ADAM33: variants seen among roughly 807,000 people sequenced by gnomAD.
ADAM33 encodes the protein ADAM metallopeptidase domain 33.
In ADAM33, 103 loss-of-function variants were observed where a neutral mutation model predicts 106.2. The observed-to-expected ratio is 0.97, with a 90% CI of 0.83 to 1.14. The LOEUF (loss-of-function observed/expected upper bound fraction) is 1.14. ADAM33 is among the 50% of genes most tolerant of loss of function. ADAM33 has a pLI of 0.00. For synonymous variants in ADAM33, 483 were observed against 453.0 expected (o/e 1.07, Z -0.84); for missense variants, 1,120 against 1,096.6 (o/e 1.02, Z -0.30).
intron 19 of ADAM33, chr20:3,670,655 C>T (rs2087472899): frequency 2.0e-5 from 5 of 251,074 alleles, no homozygotes; most frequent in Middle Eastern, 1.3e-3. Context: ...GACAGGCCTC[C>T]GGGGGCAGCA....
At chr20:3,669,427 G>A in intron 20 of ADAM33, 57 bp from the exon 21 acceptor site, 1 of 1,562,682 alleles carries the variant, frequency 6.4e-7, no homozygotes, top group South Asian at 1.2e-5. Context: ...AGCCCCTGGG[G>A]CTGGGGAGGG....
At chr20:3,680,471 T>C (rs1568825450) in intron 1 of ADAM33, among the ~76,000 whole-genome samples, 1 of 152,162 alleles carries the variant, frequency 6.6e-6, no homozygotes, top group South Asian at 2.1e-4. Flanking sequence ...CAACTCCTTT[T>C]TTCTCCTCCA....
intron 21 of ADAM33, 74 bp downstream of exon 21, chr20:3,669,225 G>T: frequency 8.7e-7 from 1 of 1,151,802 alleles, no homozygotes; most frequent in Non-Finnish European, 1.2e-6. Flanking sequence ...TTAGGGGGCA[G>T]CAAACTGAGG....
At chr20:3,680,040 A>C (rs1021121516) in intron 1 of ADAM33, among the ~76,000 whole-genome samples, 2 of 152,122 alleles carry the variant, frequency 1.3e-5, no homozygotes, top group South Asian at 4.1e-4. Flanking sequence ...TGCGAGGTCC[A>C]CCTTGCCCAG....
chr20:3,672,080 C>G, intron 14 of ADAM33, 54 bp downstream of exon 14: 1 of 1,587,846 alleles, frequency 6.3e-7, no homozygotes. Context: ...CAGTAGAAAA[C>G]TGGCCCCACC....
rs776714215 is a variant in ADAM33, at chr20:3,669,334, T to G, written c.2369A>C (p.Glu790Ala). ...AGGCGAGACTGCTGGCAGAGGCTTC[T>G]CAGGGTGGCTGCTGGGCTCATGAGA... ...ENSHEPSSHP[E>A]KPLPAVSPDP... is the part of the protein sequence containing the mutation. The change falls in exon 21 of 22, where the codon GAG becomes GCG. Residue 790 changes from glutamate (E) to alanine (A), a missense_variant. Glu to Ala is a moderately radical substitution (Grantham distance 107). Coordinates refer to ENST00000356518, the MANE Select transcript of ADAM33 (RefSeq NM_025220.5). 20 of 1,601,030 alleles carry G rather than the reference T, an allele frequency of 1.2e-5. No homozygotes were observed. The East Asian group carries it at 4.0e-4, about 32-fold the overall frequency.
At position 3,681,895 on chromosome 20, in the gene ADAM33, C is replaced by G. The variant is rs1237195853; in HGVS notation, c.97+13G>C. 1.9e-6 allele frequency: 3 copies of G among 1,595,082 alleles called. No homozygotes were observed. On this transcript the variant is annotated intron_variant, in intron 1 of 21. Coordinates refer to ENST00000356518, the MANE Select transcript of ADAM33 (RefSeq NM_025220.5). ...AGCCTGCCCCTCAGGGCGCACCCCG[C>G]CCGCGTCCTCACCTTGAAGCACCCC...
intron 13 of ADAM33, 41 bp downstream of exon 13, chr20:3,672,496 A>G (rs1433940919): frequency 6.3e-7 from 1 of 1,599,188 alleles, no homozygotes; most frequent in Non-Finnish European, 8.5e-7. Context: ...CCGGCTCCCA[A>G]GCTCCCCGAA....
Position 3,673,829 on chromosome 20 carries a change from T to C in ADAM33, c.821A>G (p.Asp274Gly). Residue 274 changes from aspartate (D) to glycine (G), a missense_variant, in exon 9 of 22, where the codon GAC becomes GGC. Coordinates refer to ENST00000356518, the MANE Select transcript of ADAM33 (RefSeq NM_025220.5). ...GAAGGCCCAGAGCGTGGCGTTGGCGTCCTGCGTGACGCGGCTGCGGTCCCG... is the reference window on the plus strand; with the variant it reads ...GAAGGCCCAGAGCGTGGCGTTGGCGCCCTGCGTGACGCGGCTGCGGTCCCG... ...TERDRSRVTQ[D>G]ANATLWAFLQ... 1 of 1,559,118 alleles carries C rather than the reference T, an allele frequency of 6.4e-7. No individual in the cohort carries two copies.
At chr20:3,669,732 C>A (rs41423545) in intron 19 of ADAM33, 95 bp from the exon 20 acceptor site, 1 of 1,173,038 alleles carries the variant, frequency 8.5e-7, no homozygotes, top group East Asian at 2.5e-5. Context: ...GGGAGTTCTG[C>A]GTTTACTGAG....
At position 3,674,203 on chromosome 20, in the gene ADAM33, T is replaced by A. The variant is rs1331257169; in HGVS notation, c.666+16A>T. 1.9e-6 allele frequency: 3 copies of A among 1,613,896 alleles called. No individual in the cohort carries two copies. The highest frequency in any genetic ancestry group is 1.7e-5 in the Admixed American group (1 of 60,000). Reference sequence around the variant, plus strand: ...CCCCATCCCTGACCCCGCCAACCCCTGGGGTCTCTCCTCACCAGGGTGTGG... The same window carrying A: ...CCCCATCCCTGACCCCGCCAACCCCAGGGGTCTCTCCTCACCAGGGTGTGG... On this transcript the variant is annotated intron_variant, in intron 7 of 21. Coordinates refer to ENST00000356518, the MANE Select transcript of ADAM33 (RefSeq NM_025220.5).
intron 1 of ADAM33, among the ~76,000 whole-genome samples, chr20:3,680,216 C>T (rs1378787955): frequency 2.0e-5 from 3 of 151,264 alleles, no homozygotes; most frequent in African/African-American, 7.3e-5. Context: ...CCAAGCATTA[C>T]TCAGAGGGCG....
At position 3,671,667 on chromosome 20, in the gene ADAM33, G is replaced by A. The variant is rs202196209; in HGVS notation, c.1819C>T (p.Arg607Trp). The A allele has an allele frequency of 2.0e-5, 31 of 1,582,298 alleles. 1 individual carries two copies. The highest frequency in any genetic ancestry group is 1.9e-4 in the East Asian group (8 of 42,734). The change falls in exon 16 of 22, where the codon CGG becomes TGG. Residue 607 changes from arginine (R) to tryptophan (W), a missense_variant. Arg to Trp is a moderately radical substitution (Grantham distance 101). Transcript: ENST00000356518. ...VHLDGQEVTC[R>W]GALALPSAQL... ...GCACTGGGGAGTGCCAAGGCTCCCC[G>A]ACAAGTCACTTCCTGGCCATCTAGG...
At chr20:3,681,871 G>C in intron 1 of ADAM33, 37 bp downstream of exon 1, 1 of 1,590,262 alleles carries the variant, frequency 6.3e-7, no homozygotes. Flanking sequence ...ACCGCGCCTA[G>C]CCTGCCCCTC....
intron 11 of ADAM33, 34 bp from the exon 12 acceptor site, chr20:3,672,932 G>A (rs760373612): frequency 1.3e-6 from 2 of 1,513,842 alleles, no homozygotes; most frequent in South Asian, 2.6e-5. Context: ...GGCATGGAGG[G>A]ACAGTCCCCC....
At chr20:3,679,614 C>T (rs1257326121) in intron 1 of ADAM33, 43 bp from the exon 2 acceptor site, 1 of 1,552,436 alleles carries the variant, frequency 6.4e-7, no homozygotes, top group Non-Finnish European at 8.8e-7. Flanking sequence ...ACCTGAGGAA[C>T]ACAGGGGCAT....
At chr20:3,676,925 C>T (rs1300571040) in intron 3 of ADAM33, 142 bp downstream of exon 3, 1 of 887,192 alleles carries the variant, frequency 1.1e-6, no homozygotes, top group Non-Finnish European at 1.6e-6. Context: ...AGGGAGCCAA[C>T]CACAGGCCTG....
intron 11 of ADAM33, 60 bp downstream of exon 11, chr20:3,673,294 A>T (rs779144297): frequency 6.5e-7 from 1 of 1,534,732 alleles, no homozygotes; most frequent in Non-Finnish European, 8.7e-7. Flanking sequence ...AAAGAAACGC[A>T]GCGGAGGAAG....
intron 8 of ADAM33, 67 bp from the exon 9 acceptor site, chr20:3,673,978 G>A (rs914311799): frequency 6.3e-7 from 1 of 1,599,758 alleles, no homozygotes; most frequent in Non-Finnish European, 8.5e-7. Context: ...TTCGTGGGGC[G>A]CCCTTCCTCT....
Sources: gnomAD v4.1 joint callset for allele counts (sites outside exome capture counted in the v4.1 genomes callset) on GRCh38, gnomAD v4.1.1 for gene constraint, MANE v1.5 for transcripts, NCBI Gene and HGNC (gene_info 2026-07-23, HGNC 2026-07-21) for gene names.